The following ATP9A variants were observed in gnomAD, a reference collection of about 807,000 sequenced individuals.
ATP9A encodes probable phospholipid-transporting ATPase IIA.
ATP9A carries 52 observed loss-of-function variants against 144.1 expected under a neutral mutation model. The observed-to-expected ratio is 0.36, with a 90% CI of 0.29 to 0.45. The LOEUF (loss-of-function observed/expected upper bound fraction) is 0.45, where lower values mean the gene tolerates loss of function less well. Ranked by LOEUF, ATP9A falls within the 20% of genes least tolerant of loss-of-function variation. ATP9A has a pLI of 1.00. For synonymous variants in ATP9A, 582 were observed against 557.4 expected, an observed-to-expected ratio of 1.04 and a Z score of -0.62; for missense variants, 947 against 1,392.7, an observed-to-expected ratio of 0.68 and a Z score of 5.09.
At chr20:51,618,602 G>C (rs1601059762) in intron 21 of ATP9A, 60 bp downstream of exon 21, 1 of 1,550,784 alleles carries the variant, frequency 6.4e-7, no homozygotes, top group Admixed American at 1.9e-5. Flanking sequence ...TATCCTTAGG[G>C]AAAGGGAGCC....
intron 7 of ATP9A, among the ~76,000 whole-genome samples, chr20:51,693,669 C>T (rs1316824953): frequency 1.3e-5 from 2 of 152,154 alleles, no homozygotes; most frequent in Non-Finnish European, 1.5e-5. Context: ...TCTTGAGGAG[C>T]GGGGACTACA....
chr20:51,656,865 G>A, intron 14 of ATP9A, 73 bp downstream of exon 14: 1 of 1,421,512 alleles, frequency 7.0e-7, no homozygotes, highest in Non-Finnish European at 9.7e-7. Flanking sequence ...TGCTTCCTTA[G>A]AAAACGCCTA....
intron 15 of ATP9A, among the ~76,000 whole-genome samples, chr20:51,633,444 G>T (rs1412753897): frequency 6.6e-6 from 1 of 152,108 alleles, no homozygotes; most frequent in Non-Finnish European, 1.5e-5. Context: ...TCTTTTGTTG[G>T]GTGAAAATGG....
intron 9 of ATP9A, among the ~76,000 whole-genome samples, chr20:51,684,512 C>T (rs1228006647): frequency 2.2e-5 from 3 of 133,518 alleles, no homozygotes; most frequent in Non-Finnish European, 4.9e-5. Context: ...CTGGCTAACA[C>T]GGTGAAACTC....
intron 3 of ATP9A, among the ~76,000 whole-genome samples, chr20:51,723,744 A>C (rs1056090192): frequency 6.6e-6 from 1 of 151,738 alleles, no homozygotes; most frequent in Non-Finnish European, 1.5e-5. Context: ...TTTAATAGAG[A>C]CAGGGTTTCA....
rs961006141 is a variant in ATP9A, at chr20:51,599,263, G to C, written c.*1948C>G. 6 of 152,180 alleles carry C rather than the reference G, an allele frequency of 3.9e-5. No homozygotes were observed. In the East Asian group the frequency reaches 1.2e-3, roughly 29 times the overall value. The allele number at this position is 152,180 out of a possible 1,614,324, so 9.4% of individuals were successfully genotyped here. ...TCCCAGCGTTACAGAGCCAGGTTCA[G>C]CATCTGCAAAGTCTAAATGGGACTA... On this transcript the variant is annotated 3_prime_UTR_variant, in exon 28 of 28. Transcript: ENST00000338821.
chr20:51,631,522 T>C (rs1568793800), intron 15 of ATP9A, among the ~76,000 whole-genome samples: 1 of 152,148 alleles, frequency 6.6e-6, no homozygotes, highest in Non-Finnish European at 1.5e-5. Context: ...CTGTCCAATA[T>C]AAATACCGCA....
At position 51,696,220 on chromosome 20, in the gene ATP9A, C is replaced by T. The variant is rs780933360; in HGVS notation, c.496-76G>A. The T allele has an allele frequency of 7.8e-6, 11 of 1,409,792 alleles. No homozygotes were observed. In the South Asian group the frequency reaches 1.2e-4, roughly 15 times the overall value. 87.3% of individuals were successfully genotyped at this position (1,409,792 alleles called of 1,614,324 possible). On this transcript the variant is annotated intron_variant, in intron 5 of 27. Transcript: ENST00000338821. The stretch of plus-strand genomic sequence containing the variant: ...TGCGGTGGGGAGGGGGGCTTCCGCC[C>T]CCACCCCCAACCCCTCGGTGGGTTG...
At chr20:51,683,007 G>A (rs1226708076) in intron 9 of ATP9A, among the ~76,000 whole-genome samples, 3 of 150,630 alleles carry the variant, frequency 2.0e-5, no homozygotes, top group Non-Finnish European at 4.4e-5. Flanking sequence ...CAGGAGAATC[G>A]CTTGAACCCA....
At chr20:51,676,979 G>A (rs2077480188) in intron 9 of ATP9A, among the ~76,000 whole-genome samples, 1 of 135,142 alleles carries the variant, frequency 7.4e-6, no homozygotes, top group African/African-American at 2.8e-5. Context: ...CCAGGCTAGA[G>A]TGCAGTGGCA....
intron 1 of ATP9A, among the ~76,000 whole-genome samples, chr20:51,755,962 A>T (rs1568849177): frequency 6.6e-6 from 1 of 152,074 alleles, no homozygotes; most frequent in Non-Finnish European, 1.5e-5. Context: ...CTCAAAGAAA[A>T]AAAAAAAAGT....
chr20:51,627,583 G>A lies in ATP9A; in HGVS notation c.1845+17C>T. 6.2e-7 allele frequency: 1 copy of A among 1,611,934 alleles called. No individual in the cohort carries two copies. Among genetic ancestry groups the A allele is most frequent in the African/African-American group, 1.3e-5 (1 of 74,984 alleles). ...GTGGGGCTGCAAAGGCAATGGAAAG[G>A]TCCCAGAACAACTTACTTCAAAGTC... On this transcript the variant is annotated intron_variant, in intron 17 of 27. Coordinates refer to ENST00000338821, the MANE Select transcript of ATP9A (RefSeq NM_006045.3).
chr20:51,737,087 C>T lies in ATP9A; in HGVS notation c.69-7109G>A, dbSNP rs542533653. 9.2e-5 allele frequency among the ~76,000 whole-genome samples: 14 copies of T among 152,292 alleles called. No homozygotes were observed. The East Asian group carries it at 1.2e-3, about 13-fold the overall frequency. On this transcript the variant is annotated intron_variant, in intron 1 of 27. Transcript: ENST00000338821. The stretch of plus-strand genomic sequence containing the variant: ...CCTGCCCAAAATCATCTGCTACATC[C>T]GCTCTCTCTCCTACTAACGGGTAGA...
intron 14 of ATP9A, among the ~76,000 whole-genome samples, chr20:51,650,351 T>C (rs755222031): frequency 3.0e-4 from 46 of 152,188 alleles, no homozygotes; most frequent in Non-Finnish European, 5.1e-4. Flanking sequence ...CTGGCCAATA[T>C]GGTGAAACCC....
chr20:51,766,094 T>C (rs999212429), intron 1 of ATP9A, among the ~76,000 whole-genome samples: 3 of 152,246 alleles, frequency 2.0e-5, no homozygotes, highest in African/African-American at 7.2e-5. Flanking sequence ...GAACGGCTCA[T>C]GTTTCTATCA....
chr20:51,618,883 A>G, intron 20 of ATP9A, 71 bp downstream of exon 20: 1 of 1,595,688 alleles, frequency 6.3e-7, no homozygotes, highest in Non-Finnish European at 8.6e-7. Context: ...CCGAGCCTGC[A>G]GTGCCCCTGC....
At chr20:51,620,584 C>T (rs1028094856) in intron 19 of ATP9A, among the ~76,000 whole-genome samples, 2 of 152,044 alleles carry the variant, frequency 1.3e-5, no homozygotes, top group Non-Finnish European at 2.9e-5. Flanking sequence ...CACACGCATT[C>T]GCTCCATAAG....
intron 15 of ATP9A, among the ~76,000 whole-genome samples, chr20:51,636,475 A>C (rs1393096026): frequency 1.3e-5 from 2 of 152,218 alleles, no homozygotes; most frequent in Non-Finnish European, 1.5e-5. Flanking sequence ...ATACGTAGTT[A>C]ATATCCCACC....
intron 1 of ATP9A, among the ~76,000 whole-genome samples, chr20:51,730,743 G>T (rs1488443663): frequency 6.6e-6 from 1 of 152,176 alleles, no homozygotes; most frequent in Non-Finnish European, 1.5e-5. Flanking sequence ...GTAAGTACTT[G>T]TGTCTCTAAA....
Sources: gnomAD v4.1 joint callset for allele counts (sites outside exome capture counted in the v4.1 genomes callset) on GRCh38, gnomAD v4.1.1 for gene constraint, MANE v1.5 for transcripts, NCBI Gene and HGNC (gene_info 2026-07-23, HGNC 2026-07-21) for gene names.